Variants in PLCXD3 observed in about 807,000 individuals in gnomAD.
The protein encoded by PLCXD3 is phosphatidylinositol specific phospholipase C X domain containing 3.
Under a neutral mutation model 25.5 loss-of-function variants are expected in PLCXD3, and 19 were observed. The observed-to-expected ratio is 0.75, with a 90% CI of 0.52 to 1.09. PLCXD3 has a LOEUF of 1.09. Ranked by LOEUF, PLCXD3 falls within the 50% of genes least tolerant of loss-of-function variation. The pLI is 0.00. For missense variants in PLCXD3, 411 were observed against 388.1 expected (o/e 1.06, Z -0.50); for synonymous variants, 174 against 137.6 (o/e 1.26, Z -1.85).
intron 2 of PLCXD3, among the ~76,000 whole-genome samples, chr5:41,320,156 A>G (rs1202574035): frequency 1.3e-5 from 2 of 152,196 alleles, no homozygotes; most frequent in Non-Finnish European, 2.9e-5. Flanking sequence ...TGATGGCGTC[A>G]CTGCCTAATA....
intron 1 of PLCXD3, among the ~76,000 whole-genome samples, chr5:41,450,278 A>G (rs912460108): frequency 1.3e-5 from 2 of 152,128 alleles, no homozygotes; most frequent in Non-Finnish European, 2.9e-5. Context: ...TAGGAAACTA[A>G]CATTCACAGC....
chr5:41,501,935 C>CCTG (rs1293134385), intron 1 of PLCXD3, among the ~76,000 whole-genome samples: 2 of 151,946 alleles, frequency 1.3e-5, no homozygotes, highest in Non-Finnish European at 2.9e-5. Flanking sequence ...GATATAACAA[C>CCTG]CTGAAGGTAG....
chr5:41,452,148 T>G (rs575997982), intron 1 of PLCXD3, among the ~76,000 whole-genome samples: 51 of 152,176 alleles, frequency 3.4e-4, no homozygotes, highest in African/African-American at 1.2e-3. Context: ...TTTGCTATCC[T>G]CACCTTTCAA....
chr5:41,373,357 T>A (rs1580332624), intron 2 of PLCXD3, among the ~76,000 whole-genome samples: 1 of 152,306 alleles, frequency 6.6e-6, no homozygotes, highest in African/African-American at 2.4e-5. Flanking sequence ...ATTTAAATGT[T>A]AAGTCTCCAC....
intron 2 of PLCXD3, among the ~76,000 whole-genome samples, chr5:41,358,995 A>G (rs1299103145): frequency 1.3e-5 from 2 of 151,758 alleles, no homozygotes; most frequent in African/African-American, 4.8e-5. Flanking sequence ...TTTCTTTTTA[A>G]TTCTTTTTAT....
Position 41,440,249 on chromosome 5 carries a change from T to TTTTTTTTTTTTTTTTTG in PLCXD3, c.104-57716_104-57715insCAAAAAAAAAAAAAAAA, listed in dbSNP as rs751131624. The stretch of plus-strand genomic sequence containing the variant: ...TTTTTTTTTTTTTTTTTTTTTTTTT[T>TTTTTTTTTTTTTTTTTG]TTAGTCAGAGTCTCACTGTGTCACC... On this transcript the variant is annotated intron_variant, in intron 1 of 2. Transcript: ENST00000377801. 2.2e-3 allele frequency among the ~76,000 whole-genome samples: 221 copies of TTTTTTTTTTTTTTTTTG among 100,378 alleles called. 28 individuals are homozygous for TTTTTTTTTTTTTTTTTG. The highest frequency in any genetic ancestry group is 2.9e-3 in the Non-Finnish European group (142 of 49,608). The allele number at this position is 100,378 out of a possible 152,430, so 65.9% of individuals were successfully genotyped here. A position where few individuals can be genotyped will look rare whatever the true frequency, so the allele number is the denominator to read the frequency against.
intron 2 of PLCXD3, among the ~76,000 whole-genome samples, chr5:41,368,261 T>C (rs1221768128): frequency 1.3e-5 from 2 of 152,188 alleles, no homozygotes; most frequent in African/African-American, 4.8e-5. Flanking sequence ...GTTCTATATT[T>C]GGTTCAGTCA....
intron 1 of PLCXD3, among the ~76,000 whole-genome samples, chr5:41,450,980 C>G (rs945054523): frequency 1.1e-4 from 17 of 152,158 alleles, no homozygotes; most frequent in African/African-American, 3.6e-4. Context: ...ATCTCTATGC[C>G]TAACTGAGAA....
rs986688629 is a variant in PLCXD3 at position 41,313,491 on chromosome 5, C to T, written c.*126G>A. The T allele has an allele frequency of 1.9e-6, 2 of 1,078,168 alleles. No homozygotes were observed. Among genetic ancestry groups the T allele is most frequent in the African/African-American group, 1.6e-5 (1 of 60,968 alleles). The allele number at this position is 1,078,168 out of a possible 1,614,324, so 66.8% of individuals were successfully genotyped here. A position where few individuals can be genotyped will look rare whatever the true frequency, so the allele number is the denominator to read the frequency against. ...GAAGAAACAGTTTTTCCCCTTTTCC[C>T]ACCCACTACCAGCCCTATTCCCTTC... On this transcript the variant is annotated 3_prime_UTR_variant, in exon 3 of 3. Coordinates refer to ENST00000377801, the MANE Select transcript of PLCXD3 (RefSeq NM_001005473.3).
chr5:41,393,426 G>A (rs1358388097), intron 1 of PLCXD3, among the ~76,000 whole-genome samples: 2 of 152,160 alleles, frequency 1.3e-5, no homozygotes, highest in African/African-American at 4.8e-5. Context: ...TTAAAGTGCT[G>A]AAGAGAAAAG....
chr5:41,509,837 C>T (rs1738999122), intron 1 of PLCXD3, among the ~76,000 whole-genome samples: 1 of 152,234 alleles, frequency 6.6e-6, no homozygotes, highest in Admixed American at 6.5e-5. Context: ...CCCGTCGCCC[C>T]CTTGGGCTCC....
intron 1 of PLCXD3, among the ~76,000 whole-genome samples, chr5:41,505,275 C>G (rs1749031005): frequency 6.6e-6 from 1 of 152,006 alleles, no homozygotes. Context: ...ATTATAGTAT[C>G]AAACAACTGA....
chr5:41,386,467 C>T (rs991704562), intron 1 of PLCXD3, among the ~76,000 whole-genome samples: 7 of 151,976 alleles, frequency 4.6e-5, no homozygotes, highest in Non-Finnish European at 7.4e-5. Flanking sequence ...GAAGATTGCC[C>T]CCAAAACATC....
At chr5:41,449,100 A>C (rs1747570598) in intron 1 of PLCXD3, among the ~76,000 whole-genome samples, 1 of 152,040 alleles carries the variant, frequency 6.6e-6, no homozygotes, top group Non-Finnish European at 1.5e-5. Context: ...TTCACATTAC[A>C]TTTCACCATT....
At chr5:41,435,587 C>T (rs113640807) in intron 1 of PLCXD3, among the ~76,000 whole-genome samples, 3,495 of 152,172 alleles carry the variant, frequency 0.023, 52 homozygotes, top group Non-Finnish European at 0.034. Context: ...AGTCTGCTGG[C>T]CTCTCTGACT....
At chr5:41,355,623 T>A (rs940359258) in intron 2 of PLCXD3, among the ~76,000 whole-genome samples, 3 of 152,204 alleles carry the variant, frequency 2.0e-5, no homozygotes, top group African/African-American at 7.2e-5. Context: ...GCTTAGGGAT[T>A]TTTTTGTAAC....
At chr5:41,383,331 T>C (rs1027167919) in intron 1 of PLCXD3, among the ~76,000 whole-genome samples, 18 of 152,102 alleles carry the variant, frequency 1.2e-4, no homozygotes, top group African/African-American at 4.3e-4. Flanking sequence ...TTAGAAGAAT[T>C]TCTTCCTAGG....
chr5:41,362,003 A>T (rs1199951843), intron 2 of PLCXD3, among the ~76,000 whole-genome samples: 1 of 152,170 alleles, frequency 6.6e-6, no homozygotes. Context: ...TAGTACATTG[A>T]CCAAGAGAGA....
intron 1 of PLCXD3, among the ~76,000 whole-genome samples, chr5:41,509,488 T>C (rs1580409238): frequency 6.6e-6 from 1 of 152,324 alleles, no homozygotes; most frequent in East Asian, 1.9e-4. Flanking sequence ...CCTAGAAACC[T>C]GCCCAGTCTC....
Sources: gnomAD v4.1 joint callset for allele counts (sites outside exome capture counted in the v4.1 genomes callset) on GRCh38, gnomAD v4.1.1 for gene constraint, MANE v1.5 for transcripts, NCBI Gene and HGNC (gene_info 2026-07-23, HGNC 2026-07-21) for gene names.